CSMD1: variants seen among roughly 807,000 people sequenced by gnomAD.
CSMD1 encodes CUB and sushi domain-containing protein 1.
A neutral mutation model predicts 417.5 loss-of-function variants in CSMD1; 213 were observed. That is an observed-to-expected ratio of 0.51 (90% CI 0.46 to 0.57). CSMD1 has a LOEUF of 0.57. Ranked by LOEUF, CSMD1 falls within the 20% of genes least tolerant of loss-of-function variation. The pLI is 0.00. For synonymous variants in CSMD1, 2,862 were observed against 1,736.8 expected (o/e 1.65, Z -16.11); for missense variants, 6,923 against 4,529.7 (o/e 1.53, Z -15.17).
chr8:3,238,377 T>C (rs946900818), intron 26 of CSMD1, among the ~76,000 whole-genome samples: 3 of 152,082 alleles, frequency 2.0e-5, no homozygotes, highest in African/African-American at 7.2e-5. Flanking sequence ...GGGGATATGA[T>C]GGCTTAGTTT....
intron 26 of CSMD1, among the ~76,000 whole-genome samples, chr8:3,245,746 G>C (rs1259218395): frequency 6.6e-6 from 1 of 152,334 alleles, no homozygotes; most frequent in East Asian, 1.9e-4. Flanking sequence ...ATTTCTGGGT[G>C]GATCTAGAAC....
chr8:4,659,515 T>G (rs1754689344), intron 1 of CSMD1, among the ~76,000 whole-genome samples: 1 of 152,132 alleles, frequency 6.6e-6, no homozygotes, highest in African/African-American at 2.4e-5. Flanking sequence ...GAAAACATGC[T>G]AAGTGGAAGA....
At chr8:4,452,580 C>T (rs1043472315) in intron 2 of CSMD1, among the ~76,000 whole-genome samples, 3 of 152,196 alleles carry the variant, frequency 2.0e-5, no homozygotes, top group African/African-American at 7.2e-5. Flanking sequence ...GAATATTAAA[C>T]ATCAGAAAAC....
intron 6 of CSMD1, among the ~76,000 whole-genome samples, chr8:3,716,524 C>T (rs1347892690): frequency 6.6e-6 from 1 of 152,164 alleles, no homozygotes; most frequent in African/African-American, 2.4e-5. Flanking sequence ...GATGTGAGTG[C>T]AGCAGTGAGG....
At chr8:3,707,137 A>G (rs547593228) in intron 7 of CSMD1, among the ~76,000 whole-genome samples, 4 of 152,162 alleles carry the variant, frequency 2.6e-5, no homozygotes, top group Non-Finnish European at 5.9e-5. Flanking sequence ...CAGACTATGG[A>G]TTATTGTCAC....
At chr8:3,312,945 G>C (rs1044625884) in intron 23 of CSMD1, among the ~76,000 whole-genome samples, 4 of 152,214 alleles carry the variant, frequency 2.6e-5, no homozygotes, top group Non-Finnish European at 4.4e-5. Flanking sequence ...TTTACTTGCT[G>C]TGTGTTTAAA....
intron 5 of CSMD1, among the ~76,000 whole-genome samples, chr8:3,775,903 A>G (rs1207148829): frequency 1.3e-5 from 2 of 152,160 alleles, no homozygotes; most frequent in African/African-American, 4.8e-5. Context: ...TGGCTTCTCA[A>G]TGAGCTCCTC....
intron 1 of CSMD1, among the ~76,000 whole-genome samples, chr8:4,986,446 G>C (rs994090417): frequency 1.1e-4 from 16 of 152,174 alleles, no homozygotes; most frequent in African/African-American, 3.6e-4. Context: ...ACATTCTTCA[G>C]TCATCTTGAA....
chr8:4,687,230 GC>G (rs1806450577), intron 1 of CSMD1, among the ~76,000 whole-genome samples: 1 of 152,160 alleles, frequency 6.6e-6, no homozygotes, highest in African/African-American at 2.4e-5. Context: ...GCATCTCCAG[GC>G]CCCTGGTAGC....
intron 1 of CSMD1, among the ~76,000 whole-genome samples, chr8:4,695,150 T>G (rs1028296389): frequency 3.7e-4 from 56 of 152,316 alleles, no homozygotes; most frequent in African/African-American, 1.3e-3. Flanking sequence ...ATACTCATTT[T>G]TGTACATGGA....
At chr8:4,074,560 T>A (rs1381287414) in intron 3 of CSMD1, among the ~76,000 whole-genome samples, 1 of 152,160 alleles carries the variant, frequency 6.6e-6, no homozygotes, top group Admixed American at 6.5e-5. Flanking sequence ...CCAGTGGAAG[T>A]TAAAGGATCC....
chr8:3,969,981 C>T (rs139670684), intron 5 of CSMD1, among the ~76,000 whole-genome samples: 225 of 152,280 alleles, frequency 1.5e-3, no homozygotes, highest in African/African-American at 5.0e-3. Context: ...GAAGAGTTGT[C>T]AGTCAACATT....
At chr8:3,943,093 G>C (rs1296947854) in intron 5 of CSMD1, among the ~76,000 whole-genome samples, 2 of 151,892 alleles carry the variant, frequency 1.3e-5, no homozygotes, top group African/African-American at 4.8e-5. Context: ...CACATTACCT[G>C]GGATTCAACT....
chr8:4,538,591 C>G (rs1035426724), intron 2 of CSMD1, among the ~76,000 whole-genome samples: 1 of 151,722 alleles, frequency 6.6e-6, no homozygotes, highest in Non-Finnish European at 1.5e-5. Context: ...TGCAGTGAGC[C>G]GAGATCGCAC....
chr8:3,338,000 T>A (rs1807384661), intron 23 of CSMD1, among the ~76,000 whole-genome samples: 1 of 152,190 alleles, frequency 6.6e-6, no homozygotes, highest in Admixed American at 6.5e-5. Flanking sequence ...TTCTCTAGCT[T>A]CCTACTTTGG....
In CSMD1 at chr8:3,965,905, C is replaced by T. The variant is rs574854343; in HGVS notation, c.818+31998G>A. ...GTGCTAGGACTACAGGTATGAGCCA[C>T]CATGCCCGGCCAATGGTTATGATTT... On this transcript the variant is annotated intron_variant, in intron 5 of 69. Coordinates refer to ENST00000635120, the MANE Select transcript of CSMD1 (RefSeq NM_033225.6). Among the ~76,000 whole-genome samples the T allele has an allele frequency of 6.0e-4, 92 of 152,262 alleles. No individual in the cohort carries two copies. In the Middle Eastern group the frequency reaches 0.02, roughly 34 times the overall value.
intron 3 of CSMD1, among the ~76,000 whole-genome samples, chr8:4,242,266 G>A (rs1259293658): frequency 6.6e-6 from 1 of 152,160 alleles, no homozygotes; most frequent in Admixed American, 6.5e-5. Flanking sequence ...CATCTTCTGT[G>A]AATGCTTTAC....
intron 1 of CSMD1, among the ~76,000 whole-genome samples, chr8:4,687,516 T>C (rs565102743): frequency 6.6e-6 from 1 of 152,222 alleles, no homozygotes; most frequent in Non-Finnish European, 1.5e-5. Context: ...ACACGATCTC[T>C]GGGAAGGTTT....
At chr8:3,562,494 A>C (rs1011331359) in intron 10 of CSMD1, among the ~76,000 whole-genome samples, 1 of 149,274 alleles carries the variant, frequency 6.7e-6, no homozygotes, top group East Asian at 2.0e-4. Flanking sequence ...GGTTGAACAC[A>C]GATGAGTGCC....
Sources: allele counts gnomAD v4.1 joint callset (sites outside exome capture counted in the v4.1 genomes callset), GRCh38; gene constraint gnomAD v4.1.1; transcripts MANE v1.5; gene names NCBI Gene and HGNC (gene_info 2026-07-23, HGNC 2026-07-21).